The following CEP112 variants were observed in gnomAD, a reference collection of about 807,000 sequenced individuals.
CEP112 encodes the protein centrosomal protein 112, also known as centrosomal protein of 112 kDa.
A neutral mutation model predicts 153.0 loss-of-function variants in CEP112; 127 were observed. That is an observed-to-expected ratio of 0.83 (90% CI 0.72 to 0.96). The LOEUF (loss-of-function observed/expected upper bound fraction) is 0.96. Among genes scored for constraint, CEP112 ranks in the 40% least tolerant of loss-of-function variants. The pLI is 0.00. For synonymous variants in CEP112, 358 were observed against 374.4 expected, an observed-to-expected ratio of 0.96 and a Z score of 0.51; for missense variants, 1,089 against 1,101.2, an observed-to-expected ratio of 0.99 and a Z score of 0.16.
intron 21 of CEP112, among the ~76,000 whole-genome samples, chr17:65,825,097 T>C (rs763996612): frequency 2.8e-4 from 43 of 152,326 alleles, no homozygotes; most frequent in Middle Eastern, 6.8e-3. Context: ...CATTGGCAGA[T>C]GAATGGATGA....
chr17:65,916,490 A>G (rs2060496748), intron 19 of CEP112, among the ~76,000 whole-genome samples: 1 of 152,120 alleles, frequency 6.6e-6, no homozygotes, highest in African/African-American at 2.4e-5. Flanking sequence ...TAATGTACTT[A>G]AAGAAGGAAT....
intron 21 of CEP112, among the ~76,000 whole-genome samples, chr17:65,760,897 A>T (rs2052572918): frequency 6.6e-6 from 1 of 152,088 alleles, no homozygotes; most frequent in South Asian, 2.1e-4. Context: ...GTTTTGGAAA[A>T]GGAGGGTCAT....
chr17:65,964,923 C>T (rs2062354055), intron 17 of CEP112, among the ~76,000 whole-genome samples: 1 of 152,068 alleles, frequency 6.6e-6, no homozygotes, highest in Non-Finnish European at 1.5e-5. Flanking sequence ...GATTTGAAAA[C>T]TTTAAAAGTT....
At chr17:65,721,230 TC>T (rs1288302170) in intron 23 of CEP112, among the ~76,000 whole-genome samples, 2 of 152,178 alleles carry the variant, frequency 1.3e-5, no homozygotes, top group Admixed American at 6.5e-5. Flanking sequence ...CAGGATGGTC[TC>T]GATCTCCTGA....
chr17:66,031,200 T>C (rs113957995), intron 12 of CEP112, among the ~76,000 whole-genome samples: 6,084 of 152,272 alleles, frequency 0.04, 170 homozygotes, highest in South Asian at 0.11. Flanking sequence ...TTTCCTAATA[T>C]ATATTCTAAA....
chr17:66,186,353 G>A (rs1348538386), intron 1 of CEP112, among the ~76,000 whole-genome samples: 4 of 152,064 alleles, frequency 2.6e-5, no homozygotes, highest in African/African-American at 9.7e-5. Flanking sequence ...CCAGGCTGGA[G>A]TGTAGTGGCA....
At chr17:65,733,597 G>A (rs992827864) in intron 23 of CEP112, among the ~76,000 whole-genome samples, 1 of 152,054 alleles carries the variant, frequency 6.6e-6, no homozygotes, top group Non-Finnish European at 1.5e-5. Context: ...AATATATGAC[G>A]GTTACCACAA....
intron 8 of CEP112, among the ~76,000 whole-genome samples, chr17:66,082,638 C>T (rs539886982): frequency 5.9e-5 from 9 of 152,150 alleles, no homozygotes; most frequent in African/African-American, 2.2e-4. Context: ...TGGCGTGTGC[C>T]TGTAATCCCA....
At chr17:65,691,611 C>T (rs1045169303) in intron 23 of CEP112, among the ~76,000 whole-genome samples, 1 of 152,194 alleles carries the variant, frequency 6.6e-6, no homozygotes. Flanking sequence ...GAAATCTCTC[C>T]ATTCTTGAAT....
At chr17:65,643,626 T>G (rs1396157815) in intron 24 of CEP112, among the ~76,000 whole-genome samples, 1 of 152,064 alleles carries the variant, frequency 6.6e-6, no homozygotes, top group African/African-American at 2.4e-5. Context: ...ACACACCACT[T>G]GTACTATGTG....
chr17:66,049,700 G>A (rs1232385130), intron 12 of CEP112, among the ~76,000 whole-genome samples: 1 of 152,214 alleles, frequency 6.6e-6, no homozygotes, highest in Non-Finnish European at 1.5e-5. Flanking sequence ...GCAGTGAGCT[G>A]AGATTGTGCC....
chr17:65,944,827 A>G (rs1371761676), intron 18 of CEP112, among the ~76,000 whole-genome samples: 1 of 152,168 alleles, frequency 6.6e-6, no homozygotes, highest in Non-Finnish European at 1.5e-5. Context: ...TCAAGTGATC[A>G]TCTCACCTCA....
intron 17 of CEP112, among the ~76,000 whole-genome samples, chr17:65,966,681 A>C (rs1369736931): frequency 6.6e-6 from 1 of 152,234 alleles, no homozygotes; most frequent in Non-Finnish European, 1.5e-5. Flanking sequence ...ATGACTCAAA[A>C]ATATTTAAAA....
chr17:66,051,683 G>A (rs1018615634), intron 12 of CEP112, among the ~76,000 whole-genome samples: 5 of 152,080 alleles, frequency 3.3e-5, no homozygotes, highest in Non-Finnish European at 4.4e-5. Flanking sequence ...TGTGTCATAC[G>A]CCTGCGTAAC....
At chr17:65,905,879 AGCTT>A (rs1439655663) in intron 19 of CEP112, among the ~76,000 whole-genome samples, 1 of 152,124 alleles carries the variant, frequency 6.6e-6, no homozygotes, top group South Asian at 2.1e-4. Context: ...CGGGGGGCGG[AGCTT>A]GCAGTGAGCC....
chr17:66,071,554 T>C (rs1015225137), intron 8 of CEP112, among the ~76,000 whole-genome samples: 36 of 152,120 alleles, frequency 2.4e-4, no homozygotes, highest in African/African-American at 8.7e-4. Context: ...CATGTGAGTG[T>C]GCTACCATAA....
At chr17:65,852,310 C>A (rs1378310146) in intron 20 of CEP112, among the ~76,000 whole-genome samples, 3 of 81,228 alleles carry the variant, frequency 3.7e-5, no homozygotes, top group African/African-American at 1.6e-4. Context: ...CTTCCCTTCC[C>A]TTCCCTTTCC....
intron 24 of CEP112, among the ~76,000 whole-genome samples, chr17:65,683,488 G>A (rs2047630123): frequency 1.3e-5 from 2 of 152,148 alleles, no homozygotes; most frequent in African/African-American, 4.8e-5. Context: ...TAGAAGCCAG[G>A]AGCCTTCAAG....
intron 25 of CEP112, among the ~76,000 whole-genome samples, chr17:65,639,478 C>G (rs1247929399): frequency 6.6e-6 from 1 of 151,482 alleles, no homozygotes; most frequent in Non-Finnish European, 1.5e-5. Flanking sequence ...GAGTTCGAGA[C>G]CAGCCTGGCC....
Sources: gnomAD v4.1 joint callset for allele counts (sites outside exome capture counted in the v4.1 genomes callset) on GRCh38, gnomAD v4.1.1 for gene constraint, MANE v1.5 for transcripts, NCBI Gene and HGNC (gene_info 2026-07-23, HGNC 2026-07-21) for gene names.